Variants in OAS1 observed in about 807,000 individuals in gnomAD.
OAS1 encodes 2'-5'-oligoadenylate synthetase 1.
In OAS1, 24 loss-of-function variants were observed where a neutral mutation model predicts 38.5. The ratio of observed to expected loss-of-function variants is 0.62; its 90% CI spans 0.45 to 0.88. OAS1 has a LOEUF of 0.88. Among genes scored for constraint, OAS1 ranks in the 40% least tolerant of loss-of-function variants. The pLI, the probability that OAS1 is intolerant of heterozygous loss-of-function variation, is 0.00. For synonymous variants in OAS1, 169 were observed against 193.9 expected (o/e 0.87, Z 1.07); for missense variants, 482 against 493.9 (o/e 0.98, Z 0.23).
chr12:112,930,249 T>C (rs1367403198), intron 6 of OAS1, among the ~76,000 whole-genome samples: 3 of 152,162 alleles, frequency 2.0e-5, no homozygotes, highest in African/African-American at 4.8e-5. Flanking sequence ...GTCAGTACCA[T>C]GCTTCCTGTA....
chr12:112,930,996 A>G (rs1293442827), intron 6 of OAS1, among the ~76,000 whole-genome samples: 1 of 152,070 alleles, frequency 6.6e-6, no homozygotes, highest in East Asian at 1.9e-4. Flanking sequence ...CCAATCCCAG[A>G]TTTTTCACTG....
chr12:112,918,618 G>A (rs2043495749), intron 5 of OAS1: 2 of 455,482 alleles, frequency 4.4e-6, no homozygotes, highest in Non-Finnish European at 8.8e-6. Flanking sequence ...GCTCAGAGAG[G>A]TGAGGTCACT....
chr12:112,917,973 AG>A, intron 5 of OAS1: 1 of 1,374,216 alleles, frequency 7.3e-7, no homozygotes, highest in Non-Finnish European at 9.4e-7. Flanking sequence ...CTTCGGGCTC[AG>A]GTTCTGTCCT....
chr12:112,911,319 G>A (rs937967318), intron 3 of OAS1, 84 bp downstream of exon 3: 13 of 1,075,924 alleles, frequency 1.2e-5, no homozygotes, highest in Middle Eastern at 3.0e-4. Context: ...AGAAGGGAGT[G>A]AAGGGAAGAG....
Position 112,911,033 on chromosome 12 carries a change from T to C in OAS1, c.470-18T>C. 1 of 1,609,174 alleles carries C rather than the reference T, an allele frequency of 6.2e-7. No homozygotes were observed. The highest frequency in any genetic ancestry group is 8.5e-7 in the Non-Finnish European group (1 of 1,176,350). On this transcript the variant is annotated intron_variant, in intron 2 of 5. Transcript: ENST00000202917. ...CAGAGAAGAGCTGACACCTAAGTTG[T>C]AGATTTTGCCCGAACAGGTCAGTTG...
chr12:112,911,267 T>C, intron 3 of OAS1, 32 bp downstream of exon 3: 1 of 1,488,840 alleles, frequency 6.7e-7, no homozygotes, highest in Non-Finnish European at 9.1e-7. Context: ...TGGTGGGTCC[T>C]GTCTCGACTG....
downstream of OAS1, among the ~76,000 whole-genome samples, chr12:112,923,628 T>C (rs568878794): frequency 3.3e-5 from 5 of 152,352 alleles, no homozygotes; most frequent in South Asian, 1.0e-3. Context: ...TTATTAGATG[T>C]ATGGTTTGTG....
chr12:112,927,920 C>T (rs2043570348), intron 6 of OAS1, among the ~76,000 whole-genome samples: 1 of 152,146 alleles, frequency 6.6e-6, no homozygotes, highest in South Asian at 2.1e-4. Context: ...ATTTACTGAA[C>T]TGAATCCTAT....
intron 6 of OAS1, among the ~76,000 whole-genome samples, chr12:112,926,973 C>A (rs1437164871): frequency 1.3e-5 from 2 of 152,116 alleles, no homozygotes; most frequent in Non-Finnish European, 2.9e-5. Flanking sequence ...ATTTCTCTTA[C>A]CTGTTTTTGG....
chr12:112,919,301 A>C, intron 5 of OAS1, 88 bp from the exon 6 acceptor site: 1 of 1,214,740 alleles, frequency 8.2e-7, no homozygotes, highest in Middle Eastern at 2.4e-4. Flanking sequence ...TCCAGATGGC[A>C]TGTCACAGTG....
intron 5 of OAS1, 177 bp from the exon 6 acceptor site, chr12:112,919,212 A>G: frequency 1.6e-6 from 1 of 618,438 alleles, no homozygotes; most frequent in Non-Finnish European, 2.8e-6. Flanking sequence ...GGCAACCCCT[A>G]AAAGGGCTGA....
At chr12:112,919,257 A>T in intron 5 of OAS1, 132 bp from the exon 6 acceptor site, 1 of 827,278 alleles carries the variant, frequency 1.2e-6, no homozygotes, top group South Asian at 1.7e-5. Context: ...CTGTCCCAGC[A>T]GCTGGGGCTT....
intron 4 of OAS1, 42 bp downstream of exon 4, chr12:112,916,780 A>G (rs751840993): frequency 2.1e-6 from 3 of 1,401,074 alleles, no homozygotes; most frequent in Non-Finnish European, 3.0e-6. Flanking sequence ...ATGTAAATGA[A>G]CACCTGGATA....
At chr12:112,913,196 G>A (rs2043410457) in intron 3 of OAS1, among the ~76,000 whole-genome samples, 2 of 152,134 alleles carry the variant, frequency 1.3e-5, no homozygotes, top group Admixed American at 1.3e-4. Flanking sequence ...ATCTTCCAGT[G>A]TCATCATTAA....
intron 3 of OAS1, among the ~76,000 whole-genome samples, chr12:112,913,038 AT>A (rs1191167120): frequency 1.3e-5 from 2 of 152,218 alleles, no homozygotes; most frequent in Admixed American, 6.5e-5. Context: ...CTAAATGATC[AT>A]GCATCCTTTG....
intron 1 of OAS1, 21 bp from the exon 2 acceptor site, chr12:112,908,515 T>C: frequency 6.3e-7 from 1 of 1,595,678 alleles, no homozygotes; most frequent in Non-Finnish European, 8.5e-7. Context: ...CATCAATTAT[T>C]ATTTTTGTCG....
Position 112,919,668 on chromosome 12 carries a change from T to A in OAS1, c.*115T>A. 1 of 1,577,912 alleles carries A rather than the reference T, an allele frequency of 6.3e-7. No individual in the cohort carries two copies. Among genetic ancestry groups the A allele is most frequent in the South Asian group, 1.1e-5 (1 of 87,214 alleles). On this transcript the variant is annotated 3_prime_UTR_variant, in exon 6 of 6. Coordinates refer to ENST00000202917, the MANE Select transcript of OAS1 (RefSeq NM_016816.4). ...AGCTCCTCAGTGAGCTGGTGTATAA[T>A]CCAGGACAGAACCCAGGTCTCCTGA...
intron 1 of OAS1, among the ~76,000 whole-genome samples, chr12:112,908,001 C>T (rs889187324): frequency 4.6e-5 from 7 of 152,210 alleles, no homozygotes; most frequent in African/African-American, 1.7e-4. Flanking sequence ...TATCTCTAGG[C>T]AAGCATAAAG....
chr12:112,917,959 T>C (rs1565964294), intron 5 of OAS1: 2 of 1,400,890 alleles, frequency 1.4e-6, no homozygotes, highest in Non-Finnish European at 1.9e-6. Flanking sequence ...TTATTGACTG[T>C]CTGCTTCGGG....
Sources: gnomAD v4.1 joint callset for allele counts (sites outside exome capture counted in the v4.1 genomes callset) on GRCh38, gnomAD v4.1.1 for gene constraint, MANE v1.5 for transcripts, NCBI Gene and HGNC (gene_info 2026-07-23, HGNC 2026-07-21) for gene names.